The following WFDC1 variants were observed in gnomAD, a reference collection of about 807,000 sequenced individuals.
The protein encoded by WFDC1 is WAP four-disulfide core domain protein 1.
Under a neutral mutation model 32.9 loss-of-function variants are expected in WFDC1, and 39 were observed. The observed-to-expected ratio is 1.19, with a 90% CI of 0.92 to 1.55. The LOEUF is 1.55. WFDC1 is among the 40% of genes most tolerant of loss of function. The probability of loss-of-function intolerance (pLI) is 0.00; values close to 1 mark genes in which losing one functional copy is unlikely to be tolerated. For synonymous variants in WFDC1, 184 were observed against 137.4 expected (o/e 1.34, Z -2.37); for missense variants, 386 against 309.5 (o/e 1.25, Z -1.85).
chr16:84,296,855 A>C, intron 1 of WFDC1: 1 of 152,242 alleles, frequency 6.6e-6, no homozygotes. Flanking sequence ...CGAGGCTCAC[A>C]GGCAGAAGTG....
At chr16:84,312,589 T>A (rs1428545118) in intron 1 of WFDC1, among the ~76,000 whole-genome samples, 1 of 152,192 alleles carries the variant, frequency 6.6e-6, no homozygotes, top group Non-Finnish European at 1.5e-5. Context: ...CATATGTGTG[T>A]ACGTATATGT....
intron 5 of WFDC1, 150 bp from the exon 6 acceptor site, chr16:84,326,732 C>T: frequency 2.6e-6 from 2 of 768,908 alleles, no homozygotes; most frequent in Non-Finnish European, 4.4e-6. Context: ...GGAGAGGAGG[C>T]ACTGCAGGTG....
At chr16:84,326,760 G>T (rs1000155762) in intron 5 of WFDC1, 122 bp from the exon 6 acceptor site, 7 of 1,146,204 alleles carry the variant, frequency 6.1e-6, no homozygotes, top group African/African-American at 4.5e-5. Flanking sequence ...AGTGACCTCA[G>T]CTGGGGGAGG....
At chr16:84,299,004 C>G (rs955025922) in intron 1 of WFDC1, among the ~76,000 whole-genome samples, 2 of 152,196 alleles carry the variant, frequency 1.3e-5, no homozygotes, top group African/African-American at 4.8e-5. Flanking sequence ...GCCCACAGTT[C>G]CCTGACTGGC....
At chr16:84,315,510 G>A (rs1437359944) in intron 2 of WFDC1, among the ~76,000 whole-genome samples, 1 of 152,212 alleles carries the variant, frequency 6.6e-6, no homozygotes, top group Admixed American at 6.5e-5. Context: ...CCAGCAGGAA[G>A]AGCAATCATA....
intron 1 of WFDC1, among the ~76,000 whole-genome samples, chr16:84,311,727 G>A (rs1215054450): frequency 7.3e-6 from 1 of 137,074 alleles, no homozygotes; most frequent in African/African-American, 2.7e-5. Context: ...AGTGGAGAAG[G>A]GGTTTCGCTA....
chr16:84,319,005 G>A (rs1908134579), intron 3 of WFDC1: 1 of 221,426 alleles, frequency 4.5e-6, no homozygotes, highest in South Asian at 8.0e-5. Context: ...GTGTATGTGG[G>A]TGTGGATATG....
At chr16:84,320,312 G>A (rs35346717) in intron 4 of WFDC1, among the ~76,000 whole-genome samples, 5,608 of 152,274 alleles carry the variant, frequency 0.037, 157 homozygotes, top group South Asian at 0.08. Context: ...GATATTCTCA[G>A]CTTGTAGGGG....
At position 84,306,004 on chromosome 16, in the gene WFDC1, AAATAATAATAATAAT is replaced by A. The variant is rs141595518; in HGVS notation, c.145-6927_145-6913del. Among the ~76,000 whole-genome samples, 668 of 144,544 alleles carry A rather than the reference AAATAATAATAATAAT, an allele frequency of 4.6e-3. 6 individuals are homozygous for A. The highest frequency in any genetic ancestry group is 0.02 in the South Asian group (92 of 4,490). The allele number at this position is 144,544 out of a possible 152,430, so 94.8% of individuals were successfully genotyped here. A position where few individuals can be genotyped will look rare whatever the true frequency, so the allele number is the denominator to read the frequency against. Reference sequence around the variant, plus strand: ...GGTGACAGAGTGAGACCTTTTCTCAAAATAATAATAATAATAATAATAATAATAATAATAATAATA... The same window carrying A: ...GGTGACAGAGTGAGACCTTTTCTCAAAATAATAATAATAATAATAATAATA... On this transcript the variant is annotated intron_variant, in intron 1 of 6. Coordinates refer to ENST00000219454, the MANE Select transcript of WFDC1 (RefSeq NM_021197.4).
At position 84,318,267 on chromosome 16, in the gene WFDC1, G is replaced by A; in HGVS notation, c.338-5G>A. The stretch of plus-strand genomic sequence containing the variant: ...GGGCCCTGATCTGACCCCGTATTGT[G>A]TTAGTCTTAGACTGGCTGGTGCAGC... On this transcript the variant is annotated splice_region_variant and splice_polypyrimidine_tract_variant and intron_variant, in intron 2 of 6. Coordinates refer to ENST00000219454, the MANE Select transcript of WFDC1 (RefSeq NM_021197.4). The A allele has an allele frequency of 6.2e-7, 1 of 1,614,098 alleles. No homozygotes were observed. Among genetic ancestry groups the A allele is most frequent in the Non-Finnish European group, 8.5e-7 (1 of 1,179,950 alleles).
intron 4 of WFDC1, among the ~76,000 whole-genome samples, chr16:84,321,071 T>G (rs1024644609): frequency 1.3e-5 from 2 of 152,224 alleles, no homozygotes; most frequent in Admixed American, 1.3e-4. Context: ...ACTTGCTATT[T>G]GCAGGGCTTT....
intron 1 of WFDC1, among the ~76,000 whole-genome samples, chr16:84,299,854 G>C (rs370329364): frequency 6.6e-6 from 1 of 152,198 alleles, no homozygotes; most frequent in Non-Finnish European, 1.5e-5. Flanking sequence ...CCAGGAGCTG[G>C]TGCCACTTTC....
chr16:84,321,127 C>T (rs1048995247), intron 4 of WFDC1, among the ~76,000 whole-genome samples: 7 of 152,228 alleles, frequency 4.6e-5, no homozygotes, highest in East Asian at 1.9e-4. Flanking sequence ...GCCTGGGCTG[C>T]CACAGCTACT....
intron 4 of WFDC1, among the ~76,000 whole-genome samples, chr16:84,322,798 A>T (rs1908385044): frequency 6.6e-6 from 1 of 152,202 alleles, no homozygotes; most frequent in African/African-American, 2.4e-5. Context: ...GTTCAGGGAA[A>T]ATCGGTGCAT....
chr16:84,299,845 C>G (rs1906831013), intron 1 of WFDC1, among the ~76,000 whole-genome samples: 1 of 152,156 alleles, frequency 6.6e-6, no homozygotes, highest in African/African-American at 2.4e-5. Flanking sequence ...CTAGAGCAGC[C>G]AGGAGCTGGT....
intron 4 of WFDC1, among the ~76,000 whole-genome samples, chr16:84,323,166 G>A (rs914066699): frequency 2.0e-5 from 3 of 152,188 alleles, no homozygotes; most frequent in Admixed American, 1.3e-4. Context: ...ATCAGCAGGC[G>A]CTGACCCACC....
At chr16:84,296,779 G>T (rs180815995) in intron 1 of WFDC1, 5 of 152,288 alleles carry the variant, frequency 3.3e-5, no homozygotes, top group Non-Finnish European at 7.3e-5. Context: ...ACCTTGACTG[G>T]ATCTTGGGGA....
chr16:84,305,892 A>G (rs1290853209), intron 1 of WFDC1, among the ~76,000 whole-genome samples: 1 of 152,004 alleles, frequency 6.6e-6, no homozygotes, highest in Admixed American at 6.6e-5. Flanking sequence ...AGTCCCAGCT[A>G]CTTGGGAGGC....
rs1444118944 is a variant in WFDC1, at chr16:84,318,190, A to G, written c.338-82A>G. On this transcript the variant is annotated intron_variant, in intron 2 of 6. Transcript: ENST00000219454. The stretch of plus-strand genomic sequence containing the variant: ...ATGGGGAGCCTCTGTGCTGTCATGA[A>G]GTTGGGGTGCCCCCAGCCCCCAAGC... The G allele has an allele frequency of 8.3e-6, 11 of 1,318,818 alleles. No individual in the cohort carries two copies. The East Asian group carries it at 1.2e-4, about 14-fold the overall frequency. 81.7% of individuals were successfully genotyped at this position (1,318,818 alleles called of 1,614,324 possible). A position where few individuals can be genotyped will look rare whatever the true frequency, so the allele number is the denominator to read the frequency against.
Sources: gnomAD v4.1 joint callset for allele counts (sites outside exome capture counted in the v4.1 genomes callset) on GRCh38, gnomAD v4.1.1 for gene constraint, MANE v1.5 for transcripts, NCBI Gene and HGNC (gene_info 2026-07-23, HGNC 2026-07-21) for gene names.